SPOCK1: variants seen among roughly 807,000 people sequenced by gnomAD.
The protein encoded by SPOCK1 is SPARC (osteonectin), cwcv and kazal like domains proteoglycan 1, also known as testican-1.
SPOCK1 carries 23 observed loss-of-function variants against 55.3 expected under a neutral mutation model. That is an observed-to-expected ratio of 0.42 (90% CI 0.30 to 0.59). The LOEUF (loss-of-function observed/expected upper bound fraction) is 0.59. SPOCK1 is among the 20% of genes least tolerant of loss of function. The pLI is 0.22. For missense variants in SPOCK1, 499 were observed against 552.5 expected (o/e 0.90, Z 0.97); for synonymous variants, 226 against 221.0 (o/e 1.02, Z -0.20).
intron 3 of SPOCK1, among the ~76,000 whole-genome samples, chr5:137,241,041 A>T (rs1756270894): frequency 6.6e-6 from 1 of 152,246 alleles, no homozygotes; most frequent in South Asian, 2.1e-4. Flanking sequence ...TCTATATCCT[A>T]CATCACGTAC....
intron 3 of SPOCK1, among the ~76,000 whole-genome samples, chr5:137,187,377 T>C (rs1755089533): frequency 6.6e-6 from 1 of 152,184 alleles, no homozygotes; most frequent in Non-Finnish European, 1.5e-5. Flanking sequence ...ATTCCTTATC[T>C]AGTTAACAAA....
chr5:137,350,622 T>C (rs891797345), intron 2 of SPOCK1, among the ~76,000 whole-genome samples: 1 of 152,130 alleles, frequency 6.6e-6, no homozygotes, highest in Non-Finnish European at 1.5e-5. Context: ...TGGCTTCTCC[T>C]GCTTGTTGGT....
intron 3 of SPOCK1, among the ~76,000 whole-genome samples, chr5:137,198,274 A>C (rs963759117): frequency 1.3e-5 from 2 of 152,244 alleles, no homozygotes; most frequent in Non-Finnish European, 1.5e-5. Flanking sequence ...GCATTTCTGC[A>C]TATGTCCTTG....
intron 2 of SPOCK1, among the ~76,000 whole-genome samples, chr5:137,374,640 C>G (rs1751273169): frequency 6.6e-6 from 1 of 152,156 alleles, no homozygotes; most frequent in Non-Finnish European, 1.5e-5. Context: ...TAGGGCTCTG[C>G]AGAAAATGAC....
intron 2 of SPOCK1, among the ~76,000 whole-genome samples, chr5:137,444,670 A>G (rs941378944): frequency 1.3e-5 from 2 of 152,212 alleles, no homozygotes; most frequent in Non-Finnish European, 2.9e-5. Context: ...CAAGTAATAG[A>G]GCCATCTTCA....
At position 137,190,233 on chromosome 5, in the gene SPOCK1, G is replaced by A. The variant is rs953160351; in HGVS notation, c.233-49539C>T. ...AAAGAAGTTCTACTGTGGGTAAAAC[G>A]CCATGAAACAGCACAGCATGCTACA... On this transcript the variant is annotated intron_variant, in intron 3 of 10. Coordinates refer to ENST00000394945, the MANE Select transcript of SPOCK1 (RefSeq NM_004598.4). Among the ~76,000 whole-genome samples the A allele has an allele frequency of 4.6e-5, 7 of 152,148 alleles. No individual in the cohort carries two copies. The East Asian group carries it at 9.6e-4, about 21-fold the overall frequency.
intron 3 of SPOCK1, among the ~76,000 whole-genome samples, chr5:137,228,154 C>T (rs567259233): frequency 6.6e-6 from 1 of 152,302 alleles, no homozygotes; most frequent in South Asian, 2.1e-4. Flanking sequence ...ATACATGATA[C>T]ATGGCTGGTA....
At chr5:137,175,831 T>G (rs986942426) in intron 3 of SPOCK1, among the ~76,000 whole-genome samples, 1 of 152,150 alleles carries the variant, frequency 6.6e-6, no homozygotes, top group South Asian at 2.1e-4. Context: ...CATTTAGACC[T>G]GTGCATGTGG....
intron 5 of SPOCK1, among the ~76,000 whole-genome samples, chr5:137,081,502 C>A (rs987794098): frequency 6.6e-6 from 1 of 152,222 alleles, no homozygotes; most frequent in Non-Finnish European, 1.5e-5. Context: ...CCATCACCAA[C>A]CATTCAGCCT....
At chr5:137,202,780 T>C (rs1329573775) in intron 3 of SPOCK1, among the ~76,000 whole-genome samples, 3 of 152,236 alleles carry the variant, frequency 2.0e-5, no homozygotes, top group Non-Finnish European at 2.9e-5. Context: ...AATAACTTTG[T>C]AAAGGCTAAG....
intron 2 of SPOCK1, among the ~76,000 whole-genome samples, chr5:137,349,872 T>C (rs759105013): frequency 2.6e-5 from 4 of 152,196 alleles, no homozygotes; most frequent in Non-Finnish European, 5.9e-5. Context: ...AGTAACCTGA[T>C]TACCTCTCTA....
At chr5:137,191,606 A>T (rs1755180364) in intron 3 of SPOCK1, among the ~76,000 whole-genome samples, 3 of 152,236 alleles carry the variant, frequency 2.0e-5, no homozygotes, top group Non-Finnish European at 4.4e-5. Context: ...TAGTATCAAT[A>T]GATCAATCAT....
In SPOCK1 at chr5:137,267,070, A is replaced by C. The variant is rs1756871038; in HGVS notation, c.187-15T>G. Reference sequence around the variant, plus strand: ...AAATAATCATCCTATATAAGGAAAAAATAGAAAACAAAGGTCAGAGTTCAA... The same window carrying C: ...AAATAATCATCCTATATAAGGAAAACATAGAAAACAAAGGTCAGAGTTCAA... On this transcript the variant is annotated splice_polypyrimidine_tract_variant and intron_variant, in intron 2 of 10. Transcript: ENST00000394945. 6.2e-7 allele frequency: 1 copy of C among 1,609,774 alleles called. No individual in the cohort carries two copies. Among genetic ancestry groups the C allele is most frequent in the Non-Finnish European group, 8.5e-7 (1 of 1,176,652 alleles).
At chr5:137,193,584 C>A (rs936746224) in intron 3 of SPOCK1, among the ~76,000 whole-genome samples, 2 of 152,094 alleles carry the variant, frequency 1.3e-5, no homozygotes, top group Non-Finnish European at 2.9e-5. Flanking sequence ...TAGAATATCA[C>A]GAGAATTATA....
intron 6 of SPOCK1, among the ~76,000 whole-genome samples, chr5:137,050,489 C>T (rs2126997276): frequency 6.6e-6 from 1 of 151,166 alleles, no homozygotes. Flanking sequence ...ATGCCTCGCC[C>T]TGCTTCGGCT....
At chr5:137,405,098 C>A (rs1233010856) in intron 2 of SPOCK1, among the ~76,000 whole-genome samples, 1 of 152,096 alleles carries the variant, frequency 6.6e-6, no homozygotes, top group Non-Finnish European at 1.5e-5. Context: ...ACCTATAGCG[C>A]CAGAAAATTT....
At chr5:137,292,426 T>TAAAAAAAAAAAAA (rs753574851) in intron 2 of SPOCK1, among the ~76,000 whole-genome samples, 1 of 37,966 alleles carries the variant, frequency 2.6e-5, no homozygotes, top group East Asian at 8.7e-4. Context: ...CTGGTGTAGT[T>TAAAAAAAAAAAAA]AAAAAAAAAA....
At chr5:137,175,899 G>T (rs1643621761) in intron 3 of SPOCK1, among the ~76,000 whole-genome samples, 1 of 152,020 alleles carries the variant, frequency 6.6e-6, no homozygotes, top group Non-Finnish European at 1.5e-5. Flanking sequence ...GCGACTTCTT[G>T]GGGAAAATGC....
intron 2 of SPOCK1, among the ~76,000 whole-genome samples, chr5:137,459,809 A>G (rs531478597): frequency 3.5e-4 from 53 of 152,336 alleles, no homozygotes; most frequent in Non-Finnish European, 7.4e-5. Context: ...AGAGCCATTC[A>G]GAGGTATATG....
Sources: allele counts gnomAD v4.1 joint callset (sites outside exome capture counted in the v4.1 genomes callset), GRCh38; gene constraint gnomAD v4.1.1; transcripts MANE v1.5; gene names NCBI Gene and HGNC (gene_info 2026-07-23, HGNC 2026-07-21).